Variants in SYNDIG1 observed in about 807,000 individuals in gnomAD.
SYNDIG1 encodes the protein synapse differentiation-inducing gene protein 1.
A neutral mutation model predicts 19.4 loss-of-function variants in SYNDIG1; 9 were observed. The observed-to-expected ratio is 0.46, with a 90% CI of 0.28 to 0.81. The LOEUF is 0.81. Among genes scored for constraint, SYNDIG1 ranks in the 30% least tolerant of loss-of-function variants. SYNDIG1 has a pLI of 0.12. For synonymous variants in SYNDIG1, 141 were observed against 145.9 expected, an observed-to-expected ratio of 0.97 and a Z score of 0.24; for missense variants, 311 against 343.3, an observed-to-expected ratio of 0.91 and a Z score of 0.74.
intron 3 of SYNDIG1, among the ~76,000 whole-genome samples, chr20:24,661,466 G>A (rs879221134): frequency 6.2e-5 from 9 of 144,696 alleles, no homozygotes; most frequent in African/African-American, 1.0e-4. Flanking sequence ...GAAGTAGGAA[G>A]GAGGGAGGGA....
At chr20:24,628,167 T>C (rs1345778830) in intron 3 of SYNDIG1, among the ~76,000 whole-genome samples, 1 of 152,120 alleles carries the variant, frequency 6.6e-6, no homozygotes, top group East Asian at 1.9e-4. Context: ...GTAAAAATTA[T>C]CTGGGAAGAA....
Position 24,658,087 on chromosome 20 carries a change from A to C in SYNDIG1, c.619-7259A>C, listed in dbSNP as rs942604756. 1.3e-5 allele frequency among the ~76,000 whole-genome samples: 2 copies of C among 152,198 alleles called. No homozygotes were observed. Among genetic ancestry groups the C allele is most frequent in the African/African-American group, 4.8e-5 (2 of 41,446 alleles). ...TGTGGAAACAGCGACCTTGCCCCTA[A>C]AAACTGACTGCAGGAGAAACAATGC... On this transcript the variant is annotated intron_variant, in intron 3 of 3. Transcript: ENST00000376862. This position sits in a 1 kb window ranked among gnomAD's most constrained non-coding sequence, Gnocchi z 4.4.
intron 3 of SYNDIG1, among the ~76,000 whole-genome samples, chr20:24,634,064 G>T (rs889537717): frequency 3.9e-5 from 6 of 152,176 alleles, no homozygotes; most frequent in African/African-American, 1.4e-4. Context: ...AGGAGGAAGA[G>T]AATGGAGAAA....
intron 3 of SYNDIG1, among the ~76,000 whole-genome samples, chr20:24,629,749 C>G (rs1327813050): frequency 3.9e-5 from 6 of 152,232 alleles, no homozygotes; most frequent in Non-Finnish European, 7.3e-5. Flanking sequence ...GGCTTACTGC[C>G]AGCAAGGAGA....
At chr20:24,502,758 G>GT (rs879678546) in intron 1 of SYNDIG1, among the ~76,000 whole-genome samples, 5 of 152,190 alleles carry the variant, frequency 3.3e-5, no homozygotes, top group Non-Finnish European at 7.3e-5. Context: ...TTGGCTTCTG[G>GT]TTAGGATGGT....
At chr20:24,596,373 C>A (rs1213001725) in intron 3 of SYNDIG1, among the ~76,000 whole-genome samples, 1 of 151,922 alleles carries the variant, frequency 6.6e-6, no homozygotes, top group African/African-American at 2.4e-5. Context: ...AATGTGAAAT[C>A]TCTAAACCTT....
intron 1 of SYNDIG1, among the ~76,000 whole-genome samples, chr20:24,504,756 G>T (rs1421351755): frequency 6.6e-6 from 1 of 152,226 alleles, no homozygotes; most frequent in Non-Finnish European, 1.5e-5. Flanking sequence ...ACTAAACGGG[G>T]GTTGGCATAT....
At chr20:24,526,390 T>C (rs2057123956) in intron 1 of SYNDIG1, among the ~76,000 whole-genome samples, 1 of 152,184 alleles carries the variant, frequency 6.6e-6, no homozygotes, top group Non-Finnish European at 1.5e-5. Flanking sequence ...TAGAAATGTT[T>C]CCATTCATTT....
At chr20:24,564,392 G>T (rs994462392) in intron 2 of SYNDIG1, among the ~76,000 whole-genome samples, 18 of 152,086 alleles carry the variant, frequency 1.2e-4, no homozygotes, top group Non-Finnish European at 2.9e-5. Context: ...TCTAGCAAAT[G>T]ATTTCACAGT....
At chr20:24,587,881 T>C (rs1008312088) in intron 3 of SYNDIG1, among the ~76,000 whole-genome samples, 1 of 152,216 alleles carries the variant, frequency 6.6e-6, no homozygotes, top group African/African-American at 2.4e-5. Flanking sequence ...CATATCACAG[T>C]GTACTCACTG....
intron 1 of SYNDIG1, among the ~76,000 whole-genome samples, chr20:24,530,847 C>G (rs1471227621): frequency 1.4e-5 from 2 of 147,708 alleles, no homozygotes; most frequent in Non-Finnish European, 3.0e-5. Context: ...CTTGTTCTGT[C>G]GCCCAGGCTG....
chr20:24,512,631 A>G lies in SYNDIG1; in HGVS notation c.-78-30389A>G, dbSNP rs916511015. On this transcript the variant is annotated intron_variant, in intron 1 of 3. Coordinates refer to ENST00000376862, the MANE Select transcript of SYNDIG1 (RefSeq NM_024893.3). Reference sequence around the variant, plus strand: ...TTGCTGAGGCTTGAGTAGGTAAACAAAGCTGGGAAGCTCAAATTGGGTGGA... The same window carrying G: ...TTGCTGAGGCTTGAGTAGGTAAACAGAGCTGGGAAGCTCAAATTGGGTGGA... Among the ~76,000 whole-genome samples the G allele has an allele frequency of 8.5e-5, 13 of 152,078 alleles. 1 individual carries two copies. The highest frequency in any genetic ancestry group is 8.5e-4 in the Admixed American group (13 of 15,272).
chr20:24,640,177 C>A (rs1250233042), intron 3 of SYNDIG1, among the ~76,000 whole-genome samples: 3 of 151,838 alleles, frequency 2.0e-5, no homozygotes, highest in Non-Finnish European at 4.4e-5. Flanking sequence ...CTACAAAAAA[C>A]ACAAAAAATA....
chr20:24,546,669 C>G (rs2057583860), intron 2 of SYNDIG1, among the ~76,000 whole-genome samples: 2 of 152,196 alleles, frequency 1.3e-5, no homozygotes, highest in African/African-American at 4.8e-5. Flanking sequence ...GCAGGTCCCA[C>G]AGCCAAGCTC....
intron 2 of SYNDIG1, among the ~76,000 whole-genome samples, chr20:24,560,179 C>T (rs1426280883): frequency 6.9e-6 from 1 of 144,622 alleles, no homozygotes; most frequent in Non-Finnish European, 1.5e-5. Flanking sequence ...AGTAATTCTA[C>T]TGCCTCAGCC....
intron 1 of SYNDIG1, among the ~76,000 whole-genome samples, chr20:24,520,621 A>C (rs1166117095): frequency 6.6e-6 from 1 of 151,848 alleles, no homozygotes; most frequent in African/African-American, 2.4e-5. Flanking sequence ...TGAACCAGGG[A>C]GCCAGAGGTT....
At chr20:24,546,933 A>G (rs564819656) in intron 2 of SYNDIG1, among the ~76,000 whole-genome samples, 36 of 152,368 alleles carry the variant, frequency 2.4e-4, no homozygotes, top group African/African-American at 7.9e-4. Flanking sequence ...TGAGTATTGT[A>G]TAGCTTCACT....
chr20:24,633,812 C>G (rs995239674), intron 3 of SYNDIG1, among the ~76,000 whole-genome samples: 5 of 152,084 alleles, frequency 3.3e-5, no homozygotes, highest in Non-Finnish European at 7.4e-5. Context: ...GGACCAGGCT[C>G]TTGGTTAGGA....
rs985377882 is a variant in SYNDIG1 at position 24,665,793 on chromosome 20, G to A, written c.*289G>A. The A allele has an allele frequency of 1.9e-5, 8 of 427,288 alleles. No individual in the cohort carries two copies. Among genetic ancestry groups the A allele is most frequent in the Admixed American group, 4.6e-5 (1 of 21,798 alleles). The allele number at this position is 427,288 out of a possible 1,614,324, so 26.5% of individuals were successfully genotyped here. ...GATTCTGGTGGATGAATGGCAACGC[G>A]GCTCTCTGCAGCCTGCCAGTGCCCA... On this transcript the variant is annotated 3_prime_UTR_variant, in exon 4 of 4. Coordinates refer to ENST00000376862, the MANE Select transcript of SYNDIG1 (RefSeq NM_024893.3).
Sources: gnomAD v4.1 joint callset for allele counts (sites outside exome capture counted in the v4.1 genomes callset) on GRCh38, gnomAD v4.1.1 for gene constraint, Gnocchi (gnomAD v3.1) non-coding constraint, MANE v1.5 for transcripts, NCBI Gene and HGNC (gene_info 2026-07-23, HGNC 2026-07-21) for gene names.